Variants in SUPT3H observed in about 807,000 individuals in gnomAD.
The protein encoded by SUPT3H is SPT3 homolog, SAGA and STAGA complex component.
A neutral mutation model predicts 44.3 loss-of-function variants in SUPT3H; 44 were observed. The ratio of observed to expected loss-of-function variants is 0.99; its 90% CI spans 0.78 to 1.28. The LOEUF is 1.28. Ranked by LOEUF, SUPT3H falls within the 50% of genes most tolerant of loss-of-function variation. The pLI is 0.00. For synonymous variants in SUPT3H, 124 were observed against 125.6 expected, an observed-to-expected ratio of 0.99 and a Z score of 0.09; for missense variants, 380 against 387.1, an observed-to-expected ratio of 0.98 and a Z score of 0.15.
chr6:44,861,672 C>A (rs922662698), intron 10 of SUPT3H, among the ~76,000 whole-genome samples: 1 of 151,914 alleles, frequency 6.6e-6, no homozygotes, highest in Non-Finnish European at 1.5e-5. Context: ...CAGATGTGAG[C>A]CACCACCATG....
At chr6:44,926,344 A>T (rs1769516381) in intron 10 of SUPT3H, among the ~76,000 whole-genome samples, 1 of 152,100 alleles carries the variant, frequency 6.6e-6, no homozygotes, top group Admixed American at 6.5e-5. Flanking sequence ...AGACCTAACT[A>T]CATAAAATCC....
intron 2 of SUPT3H, among the ~76,000 whole-genome samples, chr6:45,303,539 T>G (rs570127719): frequency 8.1e-4 from 123 of 152,178 alleles, no homozygotes; most frequent in African/African-American, 2.8e-3. Flanking sequence ...CTAAGGAAAG[T>G]AACTTTGAAA....
chr6:44,880,295 A>G lies in SUPT3H; in HGVS notation c.913-50438T>C, dbSNP rs534203168. 1.9e-3 allele frequency among the ~76,000 whole-genome samples: 282 copies of G among 152,230 alleles called. 1 individual carries two copies. The highest frequency in any genetic ancestry group is 6.2e-3 in the African/African-American group (259 of 41,562). On this transcript the variant is annotated intron_variant, in intron 10 of 10. Coordinates refer to ENST00000371459, the MANE Select transcript of SUPT3H (RefSeq NM_003599.4). ...TCATGAAGCATTCACAAGTATCAGT[A>G]GCCGAATCGATCAAGCGGAAGAAAG... is the stretch of plus-strand genomic sequence containing the variant.
intron 3 of SUPT3H, among the ~76,000 whole-genome samples, chr6:45,058,756 A>G (rs978453524): frequency 2.0e-5 from 3 of 152,126 alleles, no homozygotes; most frequent in Admixed American, 6.6e-5. Context: ...GCTCTAGCCA[A>G]ACTCACTACG....
chr6:45,036,298 T>C (rs965426006), intron 3 of SUPT3H, among the ~76,000 whole-genome samples: 3 of 151,888 alleles, frequency 2.0e-5, no homozygotes, highest in Non-Finnish European at 4.4e-5. Context: ...GCAAAGGGAA[T>C]AGGAAGTGCA....
intron 2 of SUPT3H, among the ~76,000 whole-genome samples, chr6:45,174,653 C>A (rs1811388479): frequency 6.6e-6 from 1 of 152,228 alleles, no homozygotes; most frequent in South Asian, 2.1e-4. Flanking sequence ...AAGAGGAACA[C>A]ACAGTCTGTA....
At chr6:44,856,255 A>G (rs908414457) in intron 10 of SUPT3H, among the ~76,000 whole-genome samples, 1 of 152,196 alleles carries the variant, frequency 6.6e-6, no homozygotes, top group Non-Finnish European at 1.5e-5. Context: ...TTCTGCACTC[A>G]GCTCCTGCAG....
intron 3 of SUPT3H, among the ~76,000 whole-genome samples, chr6:45,060,262 G>A (rs994464690): frequency 6.6e-6 from 1 of 151,908 alleles, no homozygotes; most frequent in African/African-American, 2.4e-5. Context: ...ATAGACTAAT[G>A]GAACAGAATA....
chr6:45,291,315 T>C (rs754846779), intron 2 of SUPT3H, among the ~76,000 whole-genome samples: 2 of 152,158 alleles, frequency 1.3e-5, no homozygotes, highest in Non-Finnish European at 2.9e-5. Context: ...GCGCTAGACC[T>C]TTCCTCTGAC....
chr6:44,901,299 T>C (rs950514085), intron 10 of SUPT3H, among the ~76,000 whole-genome samples: 1 of 151,944 alleles, frequency 6.6e-6, no homozygotes, highest in Non-Finnish European at 1.5e-5. Context: ...AATGGCTAAC[T>C]AGAATAACCA....
chr6:45,088,405 T>A (rs887604451), intron 3 of SUPT3H, among the ~76,000 whole-genome samples: 1 of 152,020 alleles, frequency 6.6e-6, no homozygotes, highest in African/African-American at 2.4e-5. Flanking sequence ...TGTCAAAAAA[T>A]TTTTTGGCTG....
At position 44,974,002 on chromosome 6, in the gene SUPT3H, T is replaced by C. The variant is rs555858935; in HGVS notation, c.505-12174A>G. Among the ~76,000 whole-genome samples, 12 of 152,250 alleles carry C rather than the reference T, an allele frequency of 7.9e-5. No individual in the cohort carries two copies. In the East Asian group the frequency reaches 2.3e-3, roughly 29 times the overall value. ...GATTTGGGTGGGGACACAGCCAAACTGTATCAATTGCTATAACAGACTCCT... is the reference window on the plus strand; with the variant it reads ...GATTTGGGTGGGGACACAGCCAAACCGTATCAATTGCTATAACAGACTCCT... On this transcript the variant is annotated intron_variant, in intron 6 of 10. Transcript: ENST00000371459.
At chr6:45,067,308 C>A (rs988950373) in intron 3 of SUPT3H, among the ~76,000 whole-genome samples, 1 of 133,068 alleles carries the variant, frequency 7.5e-6, no homozygotes, top group Non-Finnish European at 1.6e-5. Context: ...ATACAAAAAT[C>A]AATTCAAGAT....
At chr6:44,892,767 G>C (rs1207230599) in intron 10 of SUPT3H, among the ~76,000 whole-genome samples, 6 of 152,144 alleles carry the variant, frequency 3.9e-5, no homozygotes, top group Admixed American at 6.6e-5. Flanking sequence ...ATTAGTGGTA[G>C]AGCCCAGGAC....
intron 10 of SUPT3H, among the ~76,000 whole-genome samples, chr6:44,862,532 C>G (rs1774821506): frequency 6.6e-6 from 1 of 151,782 alleles, no homozygotes; most frequent in Non-Finnish European, 1.5e-5. Flanking sequence ...CAAAAATTAG[C>G]CGGGCGTGGT....
intron 4 of SUPT3H, among the ~76,000 whole-genome samples, chr6:45,019,521 A>G (rs1256406917): frequency 1.3e-5 from 2 of 151,850 alleles, no homozygotes; most frequent in Admixed American, 1.3e-4. Context: ...TAATTTTTAA[A>G]GTAACTGATA....
chr6:44,862,758 T>A (rs369723308), intron 10 of SUPT3H, among the ~76,000 whole-genome samples: 115 of 152,030 alleles, frequency 7.6e-4, no homozygotes, highest in African/African-American at 2.7e-3. Flanking sequence ...GCTATAATTG[T>A]CTCATGGGCA....
intron 2 of SUPT3H, among the ~76,000 whole-genome samples, chr6:45,333,966 C>T (rs1286462506): frequency 1.3e-5 from 2 of 151,152 alleles, no homozygotes; most frequent in African/African-American, 2.4e-5. Context: ...TATACATACG[C>T]AATTTCGATA....
chr6:44,984,573 C>CGAT (rs1444968574), intron 6 of SUPT3H, among the ~76,000 whole-genome samples: 1 of 152,030 alleles, frequency 6.6e-6, no homozygotes, highest in African/African-American at 2.4e-5. Flanking sequence ...AGCATCTTTG[C>CGAT]GATCCCCAGT....
Sources: gnomAD v4.1 joint callset for allele counts (sites outside exome capture counted in the v4.1 genomes callset) on GRCh38, gnomAD v4.1.1 for gene constraint, MANE v1.5 for transcripts, NCBI Gene and HGNC (gene_info 2026-07-23, HGNC 2026-07-21) for gene names.